Variants in ASIP observed in about 807,000 individuals in gnomAD.
ASIP encodes agouti-signaling protein.
Under a neutral mutation model 10.3 loss-of-function variants are expected in ASIP, and 11 were observed. That is an observed-to-expected ratio of 1.07 (90% CI 0.68 to 1.78). The LOEUF (loss-of-function observed/expected upper bound fraction) is 1.78. Ranked by LOEUF, ASIP falls within the 40% of genes most tolerant of loss-of-function variation. ASIP has a pLI of 0.00. For missense variants in ASIP, 180 were observed against 169.2 expected (o/e 1.06, Z -0.35); for synonymous variants, 70 against 70.8 (o/e 0.99, Z 0.06).
the ASIP span, among the ~76,000 whole-genome samples, chr20:34,189,020 A>G: frequency 6.6e-6 from 1 of 152,186 alleles, no homozygotes; most frequent in Non-Finnish European, 1.5e-5. Context: ...ACAGGATAAT[A>G]TATTTGTAGT....
chr20:34,240,927 G>C (rs77601712), upstream of ASIP, among the ~76,000 whole-genome samples: 6 of 152,122 alleles, frequency 3.9e-5, no homozygotes, highest in Non-Finnish European at 7.4e-5. Flanking sequence ...GAGTATGAAG[G>C]CATGACGTTT....
rs763311591 is a variant in ASIP at position 34,260,438 on chromosome 20, A to G, written c.64A>G (p.Ser22Gly). The G allele has an allele frequency of 6.2e-7, 1 of 1,614,002 alleles. No individual in the cohort carries two copies. Among genetic ancestry groups the G allele is most frequent in the African/African-American group, 1.3e-5 (1 of 74,932 alleles). Residue 22 changes from serine (S) to glycine (G), a missense_variant, in exon 2 of 4, where the codon AGC becomes GGC. Ser to Gly is a moderately conservative substitution (Grantham distance 56, BLOSUM62 0). Coordinates refer to ENST00000374954, the MANE Select transcript of ASIP (RefSeq NM_001672.3). ...LVFLCFFTAN[S>G]HLPPEEKLRD... ...CTTCCTCTGCTTCTTCACTGCCAAC[A>G]GCCACCTGCCACCTGAGGAGAAGCT...
upstream of ASIP, among the ~76,000 whole-genome samples, chr20:34,193,589 C>T (rs192484779): frequency 8.1e-4 from 124 of 152,306 alleles, 1 homozygote; most frequent in Admixed American, 2.2e-3. Flanking sequence ...CATTATTGGA[C>T]ATCTGAATTA....
intron 1 of ASIP, among the ~76,000 whole-genome samples, chr20:34,220,643 G>A (rs1334596909): frequency 6.6e-6 from 1 of 151,910 alleles, no homozygotes. Flanking sequence ...ACCATGGAGA[G>A]CAAGCATTTA....
At chr20:34,260,579 A>C (rs1189790851) in intron 2 of ASIP, 45 bp downstream of exon 2, 14 of 1,547,854 alleles carry the variant, frequency 9.0e-6, no homozygotes, top group South Asian at 8.5e-5. Context: ...GAGGGGCTGC[A>C]GGAGATCAAG....
At chr20:34,201,017 C>CTTTCTTTCTTTCTTTCT (rs2034892333) in intron 1 of ASIP, among the ~76,000 whole-genome samples, 1 of 63,412 alleles carries the variant, frequency 1.6e-5, no homozygotes, top group African/African-American at 7.1e-5. Flanking sequence ...TCCTTCCTTC[C>CTTTCTTTCTTTCTTTCT]TTCTTTCTTT....
intron 1 of ASIP, among the ~76,000 whole-genome samples, chr20:34,250,463 T>C (rs2035455765): frequency 6.6e-6 from 1 of 151,706 alleles, no homozygotes; most frequent in South Asian, 2.1e-4. Flanking sequence ...AGTCCAGGAG[T>C]TTCAGGCCAG....
intron 3 of ASIP, among the ~76,000 whole-genome samples, chr20:34,264,550 G>A (rs971788091): frequency 6.6e-6 from 1 of 152,166 alleles, no homozygotes; most frequent in Non-Finnish European, 1.5e-5. Context: ...GAAGAGTCAT[G>A]ACATTACAAG....
At chr20:34,259,931 C>CT (rs1435152942) in intron 1 of ASIP, among the ~76,000 whole-genome samples, 1 of 152,010 alleles carries the variant, frequency 6.6e-6, no homozygotes, top group Non-Finnish European at 1.5e-5. Context: ...ATCTTTCTCA[C>CT]TGAGACTTAA....
intron 1 of ASIP, among the ~76,000 whole-genome samples, chr20:34,245,644 C>T (rs2035362031): frequency 6.6e-6 from 1 of 151,984 alleles, no homozygotes; most frequent in Non-Finnish European, 1.5e-5. Context: ...CCGCCTTGGC[C>T]TCCCAAAGTG....
chr20:34,191,342 C>T (rs1003646569), upstream of ASIP, among the ~76,000 whole-genome samples: 1 of 152,172 alleles, frequency 6.6e-6, no homozygotes, highest in African/African-American at 2.4e-5. Context: ...AACAATTCTA[C>T]GACCCTTTCT....
intron 1 of ASIP, among the ~76,000 whole-genome samples, chr20:34,243,783 C>T (rs1284138785): frequency 2.0e-5 from 3 of 150,506 alleles, no homozygotes; most frequent in Admixed American, 1.3e-4. Context: ...AAAACTGTCT[C>T]GCCGGGCGCG....
intron 3 of ASIP, 62 bp downstream of exon 3, chr20:34,262,955 G>T: frequency 6.3e-7 from 1 of 1,583,422 alleles, no homozygotes; most frequent in South Asian, 1.1e-5. Context: ...TAAAGAAGGA[G>T]GACCCCCAAC....
upstream of ASIP, among the ~76,000 whole-genome samples, chr20:34,192,731 A>G (rs1340900032): frequency 6.6e-6 from 1 of 152,166 alleles, no homozygotes; most frequent in Non-Finnish European, 1.5e-5. Context: ...CCTTGTTGCC[A>G]AAGTTTGGGG....
upstream of ASIP, among the ~76,000 whole-genome samples, chr20:34,192,938 T>C (rs1219412227): frequency 6.6e-6 from 1 of 152,244 alleles, no homozygotes; most frequent in African/African-American, 2.4e-5. Context: ...CTCAAGCGTT[T>C]ATCATTGTGT....
intron 1 of ASIP, among the ~76,000 whole-genome samples, chr20:34,196,251 C>T (rs913216328): frequency 7.1e-6 from 1 of 141,164 alleles, no homozygotes; most frequent in African/African-American, 2.8e-5. Flanking sequence ...GTGATCTCGG[C>T]TCACTGCAAG....
intron 1 of ASIP, among the ~76,000 whole-genome samples, chr20:34,257,606 A>G (rs1051864632): frequency 2.6e-4 from 40 of 152,178 alleles, no homozygotes; most frequent in Non-Finnish European, 1.0e-4. Flanking sequence ...TTCTATTCCA[A>G]ATGTTACTGT....
rs1431399518 is a variant in ASIP, at chr20:34,258,979, G to C, written c.-10-1386G>C. The stretch of plus-strand genomic sequence containing the variant: ...TCACTTTGGGAGGCTTAGGTGGGAG[G>C]ATCACTTGAGCCCAGGAGTTCAAGA... On this transcript the variant is annotated intron_variant, in intron 1 of 3. Transcript: ENST00000374954. 5.5e-5 allele frequency among the ~76,000 whole-genome samples: 8 copies of C among 145,468 alleles called. No homozygotes were observed. In the East Asian group the frequency reaches 1.6e-3, roughly 29 times the overall value.
intron 1 of ASIP, among the ~76,000 whole-genome samples, chr20:34,210,177 A>C (rs1441191376): frequency 1.3e-5 from 2 of 152,236 alleles, no homozygotes; most frequent in Non-Finnish European, 1.5e-5. Flanking sequence ...TGGTGGGACT[A>C]AAAGAGGTGT....
Sources: allele counts gnomAD v4.1 joint callset (sites outside exome capture counted in the v4.1 genomes callset), GRCh38; gene constraint gnomAD v4.1.1; transcripts MANE v1.5; gene names NCBI Gene and HGNC (gene_info 2026-07-23, HGNC 2026-07-21).